Variants in DDR2 observed in about 807,000 individuals in gnomAD.
DDR2 encodes discoidin domain-containing receptor 2.
DDR2 carries 27 observed loss-of-function variants against 94.9 expected under a neutral mutation model. The observed-to-expected ratio is 0.28, with a 90% confidence interval of 0.21 to 0.39. The LOEUF (loss-of-function observed/expected upper bound fraction) is 0.39. Ranked by LOEUF, DDR2 falls within the 10% of genes least tolerant of loss-of-function variation. The pLI is 1.00. For missense variants in DDR2, 783 were observed against 1,076.0 expected, an observed-to-expected ratio of 0.73 and a Z score of 3.81; for synonymous variants, 382 against 377.2, an observed-to-expected ratio of 1.01 and a Z score of -0.15.
At chr1:162,763,088 T>G (rs1002694107) in intron 9 of DDR2, among the ~76,000 whole-genome samples, 4 of 151,392 alleles carry the variant, frequency 2.6e-5, no homozygotes, top group Non-Finnish European at 5.9e-5. Context: ...CCGCCTGCCT[T>G]GGCCTCCCAA....
At chr1:162,756,632 G>T (rs961172252) in intron 7 of DDR2, among the ~76,000 whole-genome samples, 1 of 152,202 alleles carries the variant, frequency 6.6e-6, no homozygotes, top group South Asian at 2.1e-4. Flanking sequence ...GAGAGAAGGA[G>T]ATACTAGTGA....
chr1:162,765,238 A>T (rs1663933362), intron 9 of DDR2, among the ~76,000 whole-genome samples: 1 of 152,158 alleles, frequency 6.6e-6, no homozygotes, highest in Admixed American at 6.5e-5. Context: ...ATGCATAATA[A>T]TATTAGTTTT....
chr1:162,668,027 G>T (rs1658666220), intron 2 of DDR2, among the ~76,000 whole-genome samples: 1 of 152,122 alleles, frequency 6.6e-6, no homozygotes, highest in Non-Finnish European at 1.5e-5. Context: ...TAGGGGGAGT[G>T]GGGGAAGAAT....
At chr1:162,636,122 T>G (rs1656803738) in intron 1 of DDR2, among the ~76,000 whole-genome samples, 1 of 152,238 alleles carries the variant, frequency 6.6e-6, no homozygotes, top group Non-Finnish European at 1.5e-5. Context: ...TCATGTACGA[T>G]TTGGCTAAAA....
At chr1:162,631,711 T>G (rs1045211337), upstream of DDR2, among the ~76,000 whole-genome samples, 5 of 151,956 alleles carry the variant, frequency 3.3e-5, no homozygotes, top group Non-Finnish European at 7.4e-5. Context: ...TTTCACATGA[T>G]CTCTGACTAT....
chr1:162,747,034 G>C (rs148214217), intron 3 of DDR2, among the ~76,000 whole-genome samples: 1,694 of 152,184 alleles, frequency 0.011, 10 homozygotes, highest in Non-Finnish European at 0.016. Flanking sequence ...AAAGACTAAA[G>C]GTAGATAAAA....
At chr1:162,771,605 TA>T (rs1647221208) in intron 12 of DDR2, among the ~76,000 whole-genome samples, 2 of 152,222 alleles carry the variant, frequency 1.3e-5, no homozygotes, top group African/African-American at 4.8e-5. Context: ...GAATATGTCT[TA>T]AGCTAGATCA....
At chr1:162,674,376 C>T (rs576999247) in intron 2 of DDR2, among the ~76,000 whole-genome samples, 2 of 152,252 alleles carry the variant, frequency 1.3e-5, no homozygotes, top group African/African-American at 2.4e-5. Flanking sequence ...AAGCAATTTG[C>T]ATGCTCTTAA....
At chr1:162,680,117 C>T (rs1659332671) in intron 2 of DDR2, among the ~76,000 whole-genome samples, 1 of 151,990 alleles carries the variant, frequency 6.6e-6, no homozygotes, top group South Asian at 2.1e-4. Flanking sequence ...GTATCTTTTG[C>T]TGTGCAAAAT....
chr1:162,739,965 G>GAA lies in DDR2; in HGVS notation c.83-13117_83-13116dup, dbSNP rs200038654. 4.1e-3 allele frequency among the ~76,000 whole-genome samples: 517 copies of GAA among 127,558 alleles called. 7 individuals carry two copies. Among genetic ancestry groups the GAA allele is most frequent in the East Asian group, 0.037 (164 of 4,392 alleles). 83.7% of individuals were successfully genotyped at this position (127,558 alleles called of 152,430 possible). A position where few individuals can be genotyped will look rare whatever the true frequency, so the allele number is the denominator to read the frequency against. On this transcript the variant is annotated intron_variant, in intron 3 of 17. Coordinates refer to ENST00000367921, the MANE Select transcript of DDR2 (RefSeq NM_006182.4). The stretch of plus-strand genomic sequence containing the variant: ...TTGAGTCGTTGAAAGAATGGAACCT[G>GAA]AAAAAAAAAAAAAAGACTGAAGGAT...
chr1:162,669,762 T>C (rs4233391), intron 2 of DDR2, among the ~76,000 whole-genome samples: 109,537 of 152,136 alleles, frequency 0.72, 42,417 homozygotes, highest in East Asian at 0.86. Context: ...GTATTCTGTT[T>C]ATTTGGGCTT....
At chr1:162,635,285 A>G (rs1489689834) in intron 1 of DDR2, among the ~76,000 whole-genome samples, 4 of 148,334 alleles carry the variant, frequency 2.7e-5, no homozygotes, top group Non-Finnish European at 4.5e-5. Flanking sequence ...TGCATTTTTA[A>G]TAGACACATG....
At chr1:162,715,268 G>T (rs908572534) in intron 2 of DDR2, among the ~76,000 whole-genome samples, 1 of 151,918 alleles carries the variant, frequency 6.6e-6, no homozygotes, top group Non-Finnish European at 1.5e-5. Flanking sequence ...GTGTTGGGGG[G>T]GAATACAAAT....
At chr1:162,721,479 G>A (rs766882337) in intron 3 of DDR2, among the ~76,000 whole-genome samples, 1 of 152,202 alleles carries the variant, frequency 6.6e-6, no homozygotes, top group Non-Finnish European at 1.5e-5. Context: ...CCAGAGATGA[G>A]TGTTTGAGGC....
intron 2 of DDR2, among the ~76,000 whole-genome samples, chr1:162,678,632 C>T (rs188040082): frequency 1.2e-4 from 18 of 152,312 alleles, no homozygotes; most frequent in Non-Finnish European, 1.5e-5. Flanking sequence ...CATTCCTTCC[C>T]ACAAATCTGG....
intron 2 of DDR2, among the ~76,000 whole-genome samples, chr1:162,697,862 T>C (rs966476010): frequency 6.6e-6 from 1 of 152,198 alleles, no homozygotes; most frequent in Non-Finnish European, 1.5e-5. Context: ...CTTTTAGATT[T>C]AAAGCCAGGC....
intron 3 of DDR2, among the ~76,000 whole-genome samples, chr1:162,733,918 T>G (rs1037680495): frequency 7.2e-5 from 11 of 152,210 alleles, no homozygotes; most frequent in Non-Finnish European, 1.5e-4. Context: ...TTCCATAGCT[T>G]CGTCACATTA....
Position 162,679,821 on chromosome 1 carries a change from G to T in DDR2, c.-28+24447G>T, listed in dbSNP as rs181572419. On this transcript the variant is annotated intron_variant, in intron 2 of 17. Transcript: ENST00000367921. Reference sequence around the variant, plus strand: ...TGTTTTGTTTTGTTTTTTAATAATAGCTATTCTGATGAGTATGAGATGGTA... The same window carrying T: ...TGTTTTGTTTTGTTTTTTAATAATATCTATTCTGATGAGTATGAGATGGTA... Among the ~76,000 whole-genome samples the T allele has an allele frequency of 2.6e-5, 4 of 151,884 alleles. No individual in the cohort carries two copies. In the East Asian group the frequency reaches 7.7e-4, roughly 29 times the overall value.
intron 12 of DDR2, 80 bp from the exon 13 acceptor site, chr1:162,771,944 C>G: frequency 4.8e-6 from 7 of 1,450,364 alleles, no homozygotes; most frequent in Non-Finnish European, 2.8e-6. Flanking sequence ...CATGTTTTAG[C>G]CCTCCTCTCA....
Sources: allele counts gnomAD v4.1 joint callset (sites outside exome capture counted in the v4.1 genomes callset), GRCh38; gene constraint gnomAD v4.1.1; transcripts MANE v1.5; gene names NCBI Gene and HGNC (gene_info 2026-07-23, HGNC 2026-07-21).